KLHL14: variants seen among roughly 807,000 people sequenced by gnomAD.
KLHL14 encodes kelch like family member 14, also known as kelch-like protein 14.
Under a neutral mutation model 64.3 loss-of-function variants are expected in KLHL14, and 22 were observed. That is an observed-to-expected ratio of 0.34 (90% CI 0.24 to 0.49). KLHL14 has a LOEUF of 0.49. Ranked by LOEUF, KLHL14 falls within the 20% of genes least tolerant of loss-of-function variation. The pLI is 0.99. For missense variants in KLHL14, 661 were observed against 789.0 expected, an observed-to-expected ratio of 0.84 and a Z score of 1.94; for synonymous variants, 322 against 333.4, an observed-to-expected ratio of 0.97 and a Z score of 0.37.
At chr18:32,704,636 C>T (rs982272101) in intron 3 of KLHL14, among the ~76,000 whole-genome samples, 2 of 152,046 alleles carry the variant, frequency 1.3e-5, no homozygotes, top group East Asian at 3.9e-4. Context: ...GCAGGACAAT[C>T]GCTTGAACCC....
chr18:32,690,926 G>T (rs1297317313), intron 4 of KLHL14, among the ~76,000 whole-genome samples: 1 of 152,108 alleles, frequency 6.6e-6, no homozygotes, highest in African/African-American at 2.4e-5. Flanking sequence ...GAAGAGATAA[G>T]AGTACGAGGG....
intron 2 of KLHL14, among the ~76,000 whole-genome samples, chr18:32,746,599 A>G (rs2050225069): frequency 1.3e-5 from 2 of 152,240 alleles, no homozygotes; most frequent in Non-Finnish European, 2.9e-5. Flanking sequence ...TACATGAGAA[A>G]AGTTTTCATG....
At chr18:32,752,084 G>A (rs1264630583) in intron 2 of KLHL14, among the ~76,000 whole-genome samples, 3 of 152,088 alleles carry the variant, frequency 2.0e-5, no homozygotes, top group African/African-American at 7.2e-5. Context: ...CTGAGGACAC[G>A]TCACTGCACT....
At position 32,674,440 on chromosome 18, in the gene KLHL14, G is replaced by A. The variant is rs1346514454; in HGVS notation, c.*217C>T. ...GTTAAAACCAGTCTGAAATGGAAGA[G>A]TCTGTCACCACAGGAAGTTTGGTGC... On this transcript the variant is annotated 3_prime_UTR_variant, in exon 9 of 9. Coordinates refer to ENST00000359358, the MANE Select transcript of KLHL14 (RefSeq NM_020805.3). The A allele has an allele frequency of 8.6e-6, 4 of 467,426 alleles. No homozygotes were observed. The Middle Eastern group carries it at 1.7e-3, about 198-fold the overall frequency. 29.0% of individuals were successfully genotyped at this position (467,426 alleles called of 1,614,324 possible).
intron 2 of KLHL14, among the ~76,000 whole-genome samples, chr18:32,761,393 C>CTTTG (rs1555666778): frequency 7.9e-6 from 1 of 127,088 alleles, no homozygotes; most frequent in African/African-American, 3.1e-5. Context: ...GCCACACATC[C>CTTTG]TTTTTTTTTT....
At position 32,680,541 on chromosome 18, in the gene KLHL14, T is replaced by C; in HGVS notation, c.1297A>G (p.Asn433Asp). Residue 433 changes from asparagine to aspartate, a missense_variant, in exon 6 of 9, where the codon AAT (asparagine) becomes GAT (aspartate). Around this residue, in one of 2 missense-constraint regions of KLHL14, gnomAD observed 330 missense variants for 450.0 expected, o/e 0.73. Coordinates refer to ENST00000359358, the MANE Select transcript of KLHL14 (RefSeq NM_020805.3). This position sits in a 1 kb window ranked among gnomAD's most constrained non-coding sequence, Gnocchi z 4.8. ...ACGCTGGACAAGTAGCCAGTTTCAT[T>C]CCTTCCACCAATTACGTATAAATGC... The part of the protein sequence containing the change: ...DKHLYVIGGR[N>D]ETGYLSSVEC... 1.9e-6 allele frequency: 3 copies of C among 1,613,678 alleles called. No individual in the cohort carries two copies. The highest frequency in any genetic ancestry group is 2.5e-6 in the Non-Finnish European group (3 of 1,179,850).
intron 3 of KLHL14, among the ~76,000 whole-genome samples, chr18:32,700,876 A>C (rs2049963057): frequency 6.6e-6 from 1 of 152,072 alleles, no homozygotes; most frequent in Admixed American, 6.6e-5. Flanking sequence ...TTGTGAGGAG[A>C]GAATTGGCTG....
chr18:32,719,927 T>C (rs1030111001), intron 3 of KLHL14, among the ~76,000 whole-genome samples: 2 of 152,222 alleles, frequency 1.3e-5, no homozygotes, highest in African/African-American at 4.8e-5. Context: ...TCTCAGCCAA[T>C]AGTAGTATAT....
intron 3 of KLHL14, among the ~76,000 whole-genome samples, chr18:32,722,681 G>A (rs1330402256): frequency 2.0e-5 from 3 of 152,164 alleles, no homozygotes; most frequent in African/African-American, 7.2e-5. Context: ...TTAAAAATCA[G>A]GCCAGGTACA....
At chr18:32,676,142 A>G (rs1461707548) in intron 8 of KLHL14, among the ~76,000 whole-genome samples, 1 of 152,194 alleles carries the variant, frequency 6.6e-6, no homozygotes, top group Non-Finnish European at 1.5e-5. Flanking sequence ...AGTTAACGAA[A>G]GAAATAAATA....
At chr18:32,762,436 C>T (rs540287592) in intron 2 of KLHL14, among the ~76,000 whole-genome samples, 1 of 151,992 alleles carries the variant, frequency 6.6e-6, no homozygotes, top group African/African-American at 2.4e-5. Context: ...TTGTTTGATA[C>T]CCCTTATTTC....
At chr18:32,723,355 T>A (rs767831099) in intron 3 of KLHL14, among the ~76,000 whole-genome samples, 3 of 152,348 alleles carry the variant, frequency 2.0e-5, no homozygotes, top group Non-Finnish European at 4.4e-5. Flanking sequence ...AGGTCCTTGC[T>A]CTGTTCTTCC....
At chr18:32,752,901 A>G (rs1002430533) in intron 2 of KLHL14, among the ~76,000 whole-genome samples, 1 of 150,696 alleles carries the variant, frequency 6.6e-6, no homozygotes. Flanking sequence ...ATAAGCTATC[A>G]GAACTTCTCA....
At position 32,772,135 on chromosome 18, in the gene KLHL14, A is replaced by ATCC. The variant is rs756474456; in HGVS notation, c.-44+531_-44+532insGGA. 208 of 260,314 alleles carry ATCC rather than the reference A, an allele frequency of 8.0e-4. 2 individuals carry two copies. Among genetic ancestry groups the ATCC allele is most frequent in the African/African-American group, 4.3e-3 (183 of 42,260 alleles). The allele number at this position is 260,314 out of a possible 1,614,324, so 16.1% of individuals were successfully genotyped here. Reference sequence around the variant, plus strand: ...CCGCCGGCCCGCCCGCCCGGGGGAGAGCCGCCGCCGCCGCCCGGCTCGGAG... The same window carrying ATCC: ...CCGCCGGCCCGCCCGCCCGGGGGAGATCCGCCGCCGCCGCCGCCCGGCTCGGAG... On this transcript the variant is annotated intron_variant, in intron 1 of 8. Transcript: ENST00000359358.
Position 32,770,688 on chromosome 18 carries a change from T to C in KLHL14, c.-43-54A>G, listed in dbSNP as rs148041357. ...GAGGGGAGCAGGGTGGTGGAGCGGGTGGGGTGTGGTCGGGGTGGGGAAGGG... is the reference window on the plus strand; with the variant it reads ...GAGGGGAGCAGGGTGGTGGAGCGGGCGGGGTGTGGTCGGGGTGGGGAAGGG... On this transcript the variant is annotated intron_variant, in intron 1 of 8. Transcript: ENST00000359358. This position sits in a 1 kb window ranked among gnomAD's most constrained non-coding sequence, Gnocchi z 6.7. 0.017 allele frequency: 521 copies of C among 31,422 alleles called. 3 individuals carry two copies. The highest frequency in any genetic ancestry group is 0.086 in the African/African-American group (493 of 5,732). 1.9% of individuals were successfully genotyped at this position (31,422 alleles called of 1,614,324 possible).
At chr18:32,711,577 A>G (rs944588197) in intron 3 of KLHL14, among the ~76,000 whole-genome samples, 2 of 152,176 alleles carry the variant, frequency 1.3e-5, no homozygotes, top group African/African-American at 4.8e-5. Context: ...CAGTCACTCA[A>G]CAAGTTTGAA....
At chr18:32,715,536 C>G (rs2050041076) in intron 3 of KLHL14, among the ~76,000 whole-genome samples, 1 of 151,810 alleles carries the variant, frequency 6.6e-6, no homozygotes, top group Admixed American at 6.6e-5. Flanking sequence ...TTCAACCTAT[C>G]CTTTACTTTA....
At chr18:32,677,399 T>C in intron 7 of KLHL14, 69 bp from the exon 8 acceptor site, 3 of 1,419,600 alleles carry the variant, frequency 2.1e-6, no homozygotes, top group Non-Finnish European at 2.8e-6. Flanking sequence ...GGCTAGGGCT[T>C]CTTTTAAAAA....
At chr18:32,731,435 T>C (rs1013457190) in intron 3 of KLHL14, among the ~76,000 whole-genome samples, 2 of 151,710 alleles carry the variant, frequency 1.3e-5, no homozygotes, top group Non-Finnish European at 2.9e-5. Context: ...AGCTAAATGA[T>C]AAAAACTTAT....
Sources: gnomAD v4.1 joint callset for allele counts (sites outside exome capture counted in the v4.1 genomes callset) on GRCh38, gnomAD v4.1.1 for gene constraint, gnomAD v4.1.1 regional missense constraint, Gnocchi (gnomAD v3.1) non-coding constraint, MANE v1.5 for transcripts, NCBI Gene and HGNC (gene_info 2026-07-23, HGNC 2026-07-21) for gene names.